Variants in ETV6 observed in about 807,000 individuals in gnomAD.
The protein encoded by ETV6 is transcription factor ETV6.
A neutral mutation model predicts 51.1 loss-of-function variants in ETV6; 16 were observed. The observed-to-expected ratio is 0.31, with a 90% confidence interval of 0.21 to 0.48. The LOEUF (loss-of-function observed/expected upper bound fraction) is 0.48. Ranked by LOEUF, ETV6 falls within the 20% of genes least tolerant of loss-of-function variation. ETV6 has a pLI of 0.99. For synonymous variants in ETV6, 240 were observed against 224.1 expected (o/e 1.07, Z -0.64); for missense variants, 458 against 594.8 (o/e 0.77, Z 2.39).
intron 2 of ETV6, among the ~76,000 whole-genome samples, chr12:11,763,675 C>T (rs1490177266): frequency 6.6e-6 from 1 of 152,250 alleles, no homozygotes; most frequent in East Asian, 1.9e-4. Context: ...ATACCTGCTT[C>T]ACAAAGCTTC....
intron 3 of ETV6, among the ~76,000 whole-genome samples, chr12:11,852,672 G>C (rs1946575288): frequency 1.3e-5 from 2 of 152,116 alleles, no homozygotes; most frequent in Admixed American, 1.3e-4. Flanking sequence ...CAATAAATTG[G>C]GATAGTTTAA....
At chr12:11,857,931 C>G (rs1946656092) in intron 4 of ETV6, among the ~76,000 whole-genome samples, 1 of 152,180 alleles carries the variant, frequency 6.6e-6, no homozygotes, top group Non-Finnish European at 1.5e-5. Flanking sequence ...GAAGATAAGA[C>G]ATATTCCCTT....
intron 1 of ETV6, among the ~76,000 whole-genome samples, chr12:11,662,413 T>G (rs1166170011): frequency 1.3e-5 from 2 of 152,230 alleles, no homozygotes; most frequent in Admixed American, 1.3e-4. Context: ...TTCTGAGAAT[T>G]TCTCTGTCTT....
intron 5 of ETV6, among the ~76,000 whole-genome samples, chr12:11,882,593 C>A (rs185828950): frequency 1.3e-5 from 2 of 152,290 alleles, no homozygotes; most frequent in East Asian, 3.9e-4. Context: ...CAGCACAGTA[C>A]CTACAAATAG....
intron 2 of ETV6, among the ~76,000 whole-genome samples, chr12:11,814,695 T>C (rs1227208074): frequency 6.6e-6 from 1 of 152,220 alleles, no homozygotes; most frequent in Non-Finnish European, 1.5e-5. Flanking sequence ...TTTGCATCAT[T>C]TTCCTTTAAG....
intron 5 of ETV6, among the ~76,000 whole-genome samples, chr12:11,874,805 A>G (rs933908548): frequency 6.7e-6 from 1 of 149,610 alleles, no homozygotes; most frequent in African/African-American, 2.4e-5. Flanking sequence ...CCATTAAGAT[A>G]CATGCAGAAT....
intron 4 of ETV6, among the ~76,000 whole-genome samples, chr12:11,858,347 C>A (rs907416570): frequency 1.3e-5 from 2 of 151,732 alleles, no homozygotes; most frequent in Non-Finnish European, 2.9e-5. Context: ...ATGATAACTT[C>A]TTTTCACACC....
chr12:11,797,506 A>C (rs60730259), intron 2 of ETV6, among the ~76,000 whole-genome samples: 4,110 of 152,276 alleles, frequency 0.027, 185 homozygotes, highest in African/African-American at 0.093. Context: ...TGTTATTGAG[A>C]AGGACTGGAA....
rs942744746 is a variant in ETV6, at chr12:11,877,652, T to C, written c.1010-6793T>C. On this transcript the variant is annotated intron_variant, in intron 5 of 7. Transcript: ENST00000396373. The stretch of plus-strand genomic sequence containing the variant: ...TCTGTAGCCCAGTACCCTCAAGAGC[T>C]CCTGGAGACAGATGGCCCCGAACAG... 3.9e-5 allele frequency among the ~76,000 whole-genome samples: 6 copies of C among 152,144 alleles called. 1 individual carries two copies. The highest frequency in any genetic ancestry group is 1.4e-4 in the African/African-American group (6 of 41,516).
chr12:11,656,718 T>C (rs1252614869), intron 1 of ETV6, among the ~76,000 whole-genome samples: 2 of 152,236 alleles, frequency 1.3e-5, no homozygotes, highest in African/African-American at 4.8e-5. Context: ...GGCTTCTTCA[T>C]GAAGCGGTTG....
In ETV6 at chr12:11,875,448, C is replaced by A. The variant is rs186860300; in HGVS notation, c.1009+5479C>A. ...GAGCAAGGAGCCTAGCAGAAAGCAT[C>A]TGTCAATCTTCTAAAACTTTACCTA... On this transcript the variant is annotated intron_variant, in intron 5 of 7. Transcript: ENST00000396373. Among the ~76,000 whole-genome samples the A allele has an allele frequency of 2.7e-3, 414 of 152,350 alleles. 4 individuals carry two copies. The highest frequency in any genetic ancestry group is 9.5e-3 in the African/African-American group (393 of 41,578).
intron 1 of ETV6, among the ~76,000 whole-genome samples, chr12:11,661,775 T>G (rs1361975619): frequency 2.0e-5 from 3 of 152,216 alleles, no homozygotes; most frequent in African/African-American, 7.2e-5. Flanking sequence ...AAACAAAGGC[T>G]CCCTTTCTGA....
intron 1 of ETV6, among the ~76,000 whole-genome samples, chr12:11,681,449 G>T (rs557532395): frequency 2.6e-4 from 39 of 151,330 alleles, no homozygotes; most frequent in African/African-American, 9.2e-4. Context: ...CTGAAATTAA[G>T]AATGAAAATT....
Position 11,808,557 on chromosome 12 carries a change from G to T in ETV6, c.164-30583G>T, listed in dbSNP as rs546950432. Reference sequence around the variant, plus strand: ...TATTCGTTACAAGTAATCTAGAGATGATTTAAAATATACAGGAGGATGCAC... The same window carrying T: ...TATTCGTTACAAGTAATCTAGAGATTATTTAAAATATACAGGAGGATGCAC... On this transcript the variant is annotated intron_variant, in intron 2 of 7. Coordinates refer to ENST00000396373, the MANE Select transcript of ETV6 (RefSeq NM_001987.5). Among the ~76,000 whole-genome samples, 32 of 152,220 alleles carry T rather than the reference G, an allele frequency of 2.1e-4. No individual in the cohort carries two copies. The South Asian group carries it at 6.6e-3, about 32-fold the overall frequency.
chr12:11,805,939 A>G (rs1472883004), intron 2 of ETV6, among the ~76,000 whole-genome samples: 2 of 152,214 alleles, frequency 1.3e-5, no homozygotes, highest in African/African-American at 2.4e-5. Flanking sequence ...TATACACACT[A>G]TATTGACTTA....
chr12:11,709,949 C>T (rs921375371), intron 1 of ETV6, among the ~76,000 whole-genome samples: 1 of 152,122 alleles, frequency 6.6e-6, no homozygotes, highest in Non-Finnish European at 1.5e-5. Flanking sequence ...ATACACACAC[C>T]ACCCTATTGG....
chr12:11,688,078 A>C (rs933940130), intron 1 of ETV6, among the ~76,000 whole-genome samples: 8 of 149,816 alleles, frequency 5.3e-5, no homozygotes, highest in Non-Finnish European at 1.0e-4. Flanking sequence ...GTCCCACACC[A>C]GGGAAATGTG....
chr12:11,718,098 A>T (rs370053665), intron 1 of ETV6, among the ~76,000 whole-genome samples: 39 of 152,332 alleles, frequency 2.6e-4, no homozygotes, highest in African/African-American at 8.4e-4. Flanking sequence ...AAAAAACTTG[A>T]AATAGATTTG....
At chr12:11,726,959 A>G (rs1173622232) in intron 1 of ETV6, among the ~76,000 whole-genome samples, 1 of 152,172 alleles carries the variant, frequency 6.6e-6, no homozygotes. Flanking sequence ...AGGTGAGGAA[A>G]CCGAGCTTTG....
Sources: allele counts gnomAD v4.1 joint callset (sites outside exome capture counted in the v4.1 genomes callset), GRCh38; gene constraint gnomAD v4.1.1; transcripts MANE v1.5; gene names NCBI Gene and HGNC (gene_info 2026-07-23, HGNC 2026-07-21).